KCNQ2: variants seen among roughly 807,000 people sequenced by gnomAD.
The protein encoded by KCNQ2 is potassium voltage-gated channel subfamily KQT member 2.
KCNQ2 carries 14 observed loss-of-function variants against 84.8 expected under a neutral mutation model. That is an observed-to-expected ratio of 0.17 (90% CI 0.11 to 0.26). The LOEUF is 0.26. Ranked by LOEUF, KCNQ2 falls within the 10% of genes least tolerant of loss-of-function variation. The pLI, the probability that KCNQ2 is intolerant of heterozygous loss-of-function variation, is 1.00. For synonymous variants in KCNQ2, 599 were observed against 554.1 expected (o/e 1.08, Z -1.14); for missense variants, 788 against 1,254.0 (o/e 0.63, Z 5.61).
intron 1 of KCNQ2, chr20:63,449,262 A>G (rs911031802): frequency 3.3e-5 from 5 of 152,202 alleles, no homozygotes; most frequent in Non-Finnish European, 7.3e-5. Flanking sequence ...ATTCCTTACA[A>G]CCCTTTGCAT....
At chr20:63,443,433 TCACCATCAC>T (rs2081315025) in intron 4 of KCNQ2, among the ~76,000 whole-genome samples, 79 of 19,916 alleles carry the variant, frequency 4.0e-3, no homozygotes, top group East Asian at 0.016. Context: ...ATCATCACCA[TCACCATCAC>T]CACCACCATC....
rs752162043 is a variant in KCNQ2 at position 63,433,922 on chromosome 20, G to C, written c.1024-19C>G. The C allele has an allele frequency of 6.2e-7, 1 of 1,611,208 alleles. No homozygotes were observed. ...AGGCCGACTGCGGAGGGAAAGACAAGGCAGTTGGCGAGGGGCAGGCGGCGA... is the reference window on the plus strand; with the variant it reads ...AGGCCGACTGCGGAGGGAAAGACAACGCAGTTGGCGAGGGGCAGGCGGCGA... On this transcript the variant is annotated intron_variant, in intron 7 of 16. Coordinates refer to ENST00000359125, the MANE Select transcript of KCNQ2 (RefSeq NM_172107.4).
chr20:63,453,614 CA>C (rs2081681941), intron 1 of KCNQ2: 1 of 152,478 alleles, frequency 6.6e-6, no homozygotes, highest in African/African-American at 2.4e-5. Context: ...GCCGCGGGGA[CA>C]CAGAGGGCAT....
chr20:63,461,158 G>A (rs747511920), intron 1 of KCNQ2: 2 of 152,192 alleles, frequency 1.3e-5, no homozygotes, highest in Admixed American at 6.5e-5. Context: ...ACGACCAAAC[G>A]TTTATTTAAG....
intron 15 of KCNQ2, among the ~76,000 whole-genome samples, chr20:63,409,463 C>A (rs1388878747): frequency 6.6e-6 from 1 of 152,222 alleles, no homozygotes; most frequent in African/African-American, 2.4e-5. Context: ...AGAGTCACGG[C>A]CACTGCTGGG....
At chr20:63,426,282 T>C (rs1031552778) in intron 10 of KCNQ2, among the ~76,000 whole-genome samples, 2 of 152,230 alleles carry the variant, frequency 1.3e-5, no homozygotes, top group African/African-American at 2.4e-5. Flanking sequence ...TCCTTCCCGA[T>C]AGCTCCATCT....
intron 1 of KCNQ2, among the ~76,000 whole-genome samples, chr20:63,467,195 G>A (rs2082104148): frequency 6.6e-6 from 1 of 152,206 alleles, no homozygotes; most frequent in South Asian, 2.1e-4. Context: ...CCCTGCCTCT[G>A]GGCAAGGCAG....
At chr20:63,430,984 G>A (rs943924078) in intron 9 of KCNQ2, among the ~76,000 whole-genome samples, 15 of 152,214 alleles carry the variant, frequency 9.9e-5, no homozygotes, top group African/African-American at 3.6e-4. Flanking sequence ...TGTGGGGTGG[G>A]GATGGAGGCA....
At position 63,436,196 on chromosome 20, in the gene KCNQ2, A is replaced by G. The variant is rs191698459; in HGVS notation, c.1024-2293T>C. On this transcript the variant is annotated intron_variant, in intron 7 of 16. Transcript: ENST00000359125. ...TGCAGAGAAATCTTTCGTGAAAGGA[A>G]GAGTGAATCGATGCGGCAAACCTCA... Among the ~76,000 whole-genome samples, 286 of 152,346 alleles carry G rather than the reference A, an allele frequency of 1.9e-3. 1 individual carries two copies. The highest frequency in any genetic ancestry group is 3.4e-3 in the Non-Finnish European group (229 of 68,028).
chr20:63,466,132 A>C (rs2082075498), intron 1 of KCNQ2, among the ~76,000 whole-genome samples: 1 of 152,164 alleles, frequency 6.6e-6, no homozygotes, highest in Admixed American at 6.5e-5. Flanking sequence ...GAAGCCACGA[A>C]CAGGAAGACA....
rs1465109197 is a variant in KCNQ2, at chr20:63,414,926, G to A, written c.1502C>T (p.Ala501Val). ...ACCTTCTGAGTTCTGCCGTGACGCG[G>A]CACCCTTGATGCGGAAAGCCTGGCG... is the stretch of plus-strand genomic sequence containing the variant. ...RARQAFRIKG[A>V]ASRQNSEEAS... is the part of the protein sequence containing the mutation. The change falls in exon 13 of 17, where the codon GCC (alanine) becomes GTC (valine). Residue 501 changes from alanine to valine, a missense_variant. Ala to Val is a moderately conservative substitution (Grantham distance 64). Coordinates refer to ENST00000359125, the MANE Select transcript of KCNQ2 (RefSeq NM_172107.4). This position sits in a 1 kb window ranked among gnomAD's most constrained non-coding sequence, Gnocchi z 6.6. 4 of 1,612,732 alleles carry A rather than the reference G, an allele frequency of 2.5e-6. No individual in the cohort carries two copies. The highest frequency in any genetic ancestry group is 1.7e-4 in the Middle Eastern group (1 of 5,998).
At chr20:63,422,813 CGAGCACGAGGGGCCGT>C (rs2080513365) in intron 11 of KCNQ2, 1 of 152,294 alleles carries the variant, frequency 6.6e-6, no homozygotes, top group African/African-American at 2.4e-5. Context: ...GCTGGGGCAG[CGAGCACGAGGGGCCGT>C]GAGGCACGGG....
intron 9 of KCNQ2, among the ~76,000 whole-genome samples, chr20:63,429,178 C>A (rs1322632878): frequency 1.3e-5 from 2 of 151,934 alleles, no homozygotes; most frequent in East Asian, 3.9e-4. Flanking sequence ...CCCACTCCCA[C>A]CCACCTCACT....
At position 63,408,808 on chromosome 20, in the gene KCNQ2, C is replaced by T. The variant is rs1260977467; in HGVS notation, c.1764-272G>A. ...TAAAGTAAGGACGCTCCCACCAGGG[C>T]CGAGTCGCCCGGCTCCTCTCCGTGG... On this transcript the variant is annotated intron_variant, in intron 15 of 16. Transcript: ENST00000359125. This position sits in a 1 kb window ranked among gnomAD's most constrained non-coding sequence, Gnocchi z 5.0. Among the ~76,000 whole-genome samples the T allele has an allele frequency of 4.6e-5, 7 of 152,324 alleles. No homozygotes were observed. The South Asian group carries it at 1.4e-3, about 32-fold the overall frequency.
At chr20:63,440,092 G>A (rs1311893804) in intron 5 of KCNQ2, among the ~76,000 whole-genome samples, 1 of 152,208 alleles carries the variant, frequency 6.6e-6, no homozygotes. Flanking sequence ...GGCAGGGCGT[G>A]CAGGGGGCTC....
intron 11 of KCNQ2, among the ~76,000 whole-genome samples, chr20:63,421,743 C>T (rs1053943871): frequency 2.0e-5 from 3 of 152,164 alleles, no homozygotes; most frequent in Non-Finnish European, 4.4e-5. Flanking sequence ...GCTCCTCCTC[C>T]AGCACGGGGG....
chr20:63,448,284 T>C (rs2081494745), intron 1 of KCNQ2: 1 of 152,278 alleles, frequency 6.6e-6, no homozygotes, highest in Non-Finnish European at 1.5e-5. Flanking sequence ...TCCAGGTCCT[T>C]CGTCACAGCC....
intron 11 of KCNQ2, among the ~76,000 whole-genome samples, chr20:63,420,157 G>A (rs1437594011): frequency 1.3e-5 from 2 of 152,216 alleles, no homozygotes; most frequent in East Asian, 1.9e-4. Flanking sequence ...CCCAGTTGGA[G>A]GTGGGTCTCG....
Position 63,402,022 on chromosome 20 carries a change from C to T in KCNQ2, c.*4622G>A. ...CACATCTGCCGGGCACCCTCCATGGCAGGTCCAAGCCCTGTGAACCATCCC... is the reference window on the plus strand; with the variant it reads ...CACATCTGCCGGGCACCCTCCATGGTAGGTCCAAGCCCTGTGAACCATCCC... On this transcript the variant is annotated 3_prime_UTR_variant, in exon 17 of 17. Coordinates refer to ENST00000359125, the MANE Select transcript of KCNQ2 (RefSeq NM_172107.4). 6.6e-6 allele frequency: 1 copy of T among 151,332 alleles called. No individual in the cohort carries two copies. The highest frequency in any genetic ancestry group is 8.5e-5 in the South Asian group (1 of 11,718). 9.4% of individuals were successfully genotyped at this position (151,332 alleles called of 1,614,324 possible).
Sources: gnomAD v4.1 joint callset for allele counts (sites outside exome capture counted in the v4.1 genomes callset) on GRCh38, gnomAD v4.1.1 for gene constraint, Gnocchi (gnomAD v3.1) non-coding constraint, MANE v1.5 for transcripts, NCBI Gene and HGNC (gene_info 2026-07-23, HGNC 2026-07-21) for gene names.